Variants in RGS6 observed in about 807,000 individuals in gnomAD.
RGS6 encodes regulator of G protein signaling 6.
In RGS6, 30 loss-of-function variants were observed where a neutral mutation model predicts 78.5. The ratio of observed to expected loss-of-function variants is 0.38; its 90% confidence interval spans 0.29 to 0.52. The LOEUF is 0.52. Ranked by LOEUF, RGS6 falls within the 20% of genes least tolerant of loss-of-function variation. The pLI is 0.85. For synonymous variants in RGS6, 206 were observed against 206.0 expected, an observed-to-expected ratio of 1.00 and a Z score of 0.00; for missense variants, 495 against 609.7, an observed-to-expected ratio of 0.81 and a Z score of 1.98.
intron 2 of RGS6, among the ~76,000 whole-genome samples, chr14:72,021,771 CT>C (rs35520827): frequency 4.0e-5 from 6 of 148,638 alleles, no homozygotes; most frequent in African/African-American, 9.9e-5. Context: ...TGCGCCTGGC[CT>C]TTTTTTTTTA....
At chr14:72,270,152 T>C (rs2059721993) in intron 2 of RGS6, among the ~76,000 whole-genome samples, 1 of 152,122 alleles carries the variant, frequency 6.6e-6, no homozygotes, top group African/African-American at 2.4e-5. Flanking sequence ...TGGGGATGGA[T>C]CTAGATCAAA....
At chr14:72,433,188 C>T (rs1346625933) in intron 3 of RGS6, among the ~76,000 whole-genome samples, 1 of 152,116 alleles carries the variant, frequency 6.6e-6, no homozygotes, top group Non-Finnish European at 1.5e-5. Context: ...TCACCTGTCC[C>T]CAGAAATTGC....
rs369380532 is a variant in RGS6, at chr14:72,265,938, T to TTGG, written c.85-86157_85-86156insTGG. On this transcript the variant is annotated intron_variant, in intron 2 of 17. Transcript: ENST00000553525. ...CTAACTATCAGTCCTATCGCTTTTT[T>TTGG]GGGGGGGGGGGCGGGAGGCAGGTGG... Among the ~76,000 whole-genome samples the TTGG allele has an allele frequency of 8.4e-5, 11 of 130,924 alleles. No individual in the cohort carries two copies. In the East Asian group the frequency reaches 1.6e-3, roughly 19 times the overall value. 85.9% of individuals were successfully genotyped at this position (130,924 alleles called of 152,430 possible).
chr14:72,560,215 A>AGGAG (rs2153552023), intron 17 of RGS6, among the ~76,000 whole-genome samples: 1 of 152,322 alleles, frequency 6.6e-6, no homozygotes, highest in African/African-American at 2.4e-5. Flanking sequence ...GCCCTGGCGA[A>AGGAG]GGAGGGATGG....
chr14:72,383,203 T>C lies in RGS6; in HGVS notation c.184+31009T>C, dbSNP rs867610377. ...ATATATATATATATATATATATATA[T>C]ATATATATATACACACAAACACACT... On this transcript the variant is annotated intron_variant, in intron 3 of 17. Transcript: ENST00000553525. 6.2e-4 allele frequency among the ~76,000 whole-genome samples: 73 copies of C among 116,936 alleles called. 1 individual carries two copies. Among genetic ancestry groups the C allele is most frequent in the African/African-American group, 2.4e-3 (66 of 27,044 alleles). The allele number at this position is 116,936 out of a possible 152,430, so 76.7% of individuals were successfully genotyped here.
intron 2 of RGS6, among the ~76,000 whole-genome samples, chr14:72,164,921 T>C (rs1445685518): frequency 6.6e-6 from 1 of 152,236 alleles, no homozygotes; most frequent in East Asian, 1.9e-4. Flanking sequence ...GTCATTTTTT[T>C]CTATTTATAA....
chr14:72,345,625 T>G (rs1056142683), intron 2 of RGS6, among the ~76,000 whole-genome samples: 1 of 152,196 alleles, frequency 6.6e-6, no homozygotes, highest in Non-Finnish European at 1.5e-5. Context: ...TTATCTTAGC[T>G]TCAGCCTCCA....
intron 12 of RGS6, among the ~76,000 whole-genome samples, chr14:72,487,693 A>T (rs915718221): frequency 6.6e-6 from 1 of 152,324 alleles, no homozygotes; most frequent in East Asian, 1.9e-4. Context: ...AAGCAAATGA[A>T]TTCTTCCCTA....
intron 2 of RGS6, among the ~76,000 whole-genome samples, chr14:72,225,212 T>C (rs2047833156): frequency 6.6e-6 from 1 of 152,256 alleles, no homozygotes; most frequent in Non-Finnish European, 1.5e-5. Flanking sequence ...TGATATTCTC[T>C]GGCATATGAG....
chr14:72,376,840 T>C (rs1292463501), intron 3 of RGS6, among the ~76,000 whole-genome samples: 2 of 152,096 alleles, frequency 1.3e-5, no homozygotes, highest in Non-Finnish European at 2.9e-5. Context: ...AAGAGAGTCT[T>C]ACATCTAGAA....
intron 13 of RGS6, among the ~76,000 whole-genome samples, chr14:72,508,561 CCTTTTTTTT>C (rs1292068190): frequency 5.6e-4 from 52 of 92,656 alleles, no homozygotes; most frequent in African/African-American, 2.1e-3. Context: ...CACACAAGCT[CCTTTTTTTT>C]TTTTTTTTTT....
At chr14:72,381,355 C>T (rs928385536) in intron 3 of RGS6, among the ~76,000 whole-genome samples, 8 of 152,050 alleles carry the variant, frequency 5.3e-5, no homozygotes, top group African/African-American at 1.9e-4. Flanking sequence ...ATGCTAATTA[C>T]TCCAATCTGA....
At chr14:72,248,567 G>T (rs1297773222) in intron 2 of RGS6, among the ~76,000 whole-genome samples, 2 of 152,186 alleles carry the variant, frequency 1.3e-5, no homozygotes, top group African/African-American at 4.8e-5. Flanking sequence ...AAAAGTTTGA[G>T]AACTTCTATC....
At chr14:72,236,433 C>A (rs978564004) in intron 2 of RGS6, among the ~76,000 whole-genome samples, 1 of 152,190 alleles carries the variant, frequency 6.6e-6, no homozygotes, top group Non-Finnish European at 1.5e-5. Flanking sequence ...GCAACATAAG[C>A]ACATTTTAAG....
At chr14:72,440,515 C>T (rs1048509704) in intron 3 of RGS6, among the ~76,000 whole-genome samples, 2 of 150,494 alleles carry the variant, frequency 1.3e-5, no homozygotes, top group African/African-American at 2.5e-5. Context: ...CGGGTTCAAG[C>T]GATTCTCCTG....
intron 3 of RGS6, among the ~76,000 whole-genome samples, chr14:72,399,477 T>G (rs895174876): frequency 2.6e-5 from 4 of 152,182 alleles, no homozygotes; most frequent in African/African-American, 9.7e-5. Flanking sequence ...GGGTCTTGAC[T>G]CTATCCAATT....
chr14:72,341,815 T>C (rs1357413105), intron 2 of RGS6, among the ~76,000 whole-genome samples: 2 of 152,146 alleles, frequency 1.3e-5, no homozygotes, highest in Non-Finnish European at 2.9e-5. Context: ...AGTTGTTTGG[T>C]TCAAGGAAGC....
At chr14:72,259,799 T>A (rs1229152136) in intron 2 of RGS6, among the ~76,000 whole-genome samples, 1 of 150,290 alleles carries the variant, frequency 6.7e-6, no homozygotes, top group African/African-American at 2.5e-5. Context: ...TAGTCCCAGC[T>A]ACTCAGGAGG....
chr14:72,305,301 G>A (rs2066982404), intron 2 of RGS6, among the ~76,000 whole-genome samples: 1 of 152,140 alleles, frequency 6.6e-6, no homozygotes, highest in African/African-American at 2.4e-5. Context: ...GGATTCTAGT[G>A]TTGGGGTTAC....
Sources: gnomAD v4.1 joint callset for allele counts (sites outside exome capture counted in the v4.1 genomes callset) on GRCh38, gnomAD v4.1.1 for gene constraint, MANE v1.5 for transcripts, NCBI Gene and HGNC (gene_info 2026-07-23, HGNC 2026-07-21) for gene names.